Variants in SYNE2 observed in about 807,000 individuals in gnomAD.
SYNE2 encodes spectrin repeat containing nuclear envelope protein 2.
A neutral mutation model predicts 856.3 loss-of-function variants in SYNE2; 431 were observed. That is an observed-to-expected ratio of 0.50 (90% CI 0.47 to 0.55). The LOEUF is 0.55. Ranked by LOEUF, SYNE2 falls within the 20% of genes least tolerant of loss-of-function variation. The probability of loss-of-function intolerance (pLI) is 0.00; values close to 1 mark genes in which losing one functional copy is unlikely to be tolerated. For missense variants in SYNE2, 8,129 were observed against 8,023.2 expected (o/e 1.01, Z -0.50); for synonymous variants, 2,923 against 2,872.3 (o/e 1.02, Z -0.56).
At chr14:63,853,995 G>T (rs1446315778) in intron 1 of SYNE2, among the ~76,000 whole-genome samples, 1 of 152,134 alleles carries the variant, frequency 6.6e-6, no homozygotes, top group Non-Finnish European at 1.5e-5. Context: ...GAGAAGTCCT[G>T]TGTAGCATTC....
chr14:63,939,789 C>G (rs1376192326), intron 2 of SYNE2, among the ~76,000 whole-genome samples: 3 of 152,204 alleles, frequency 2.0e-5, no homozygotes, highest in African/African-American at 7.2e-5. Context: ...GGACACTGCT[C>G]AAGGTCACAC....
chr14:63,975,524 G>A (rs1335111727), intron 11 of SYNE2, among the ~76,000 whole-genome samples: 1 of 151,818 alleles, frequency 6.6e-6, no homozygotes. Flanking sequence ...GTAGAGATGG[G>A]GTTTTTCCCA....
chr14:63,950,553 T>TCACA (rs537515162), intron 7 of SYNE2, among the ~76,000 whole-genome samples: 11 of 151,694 alleles, frequency 7.3e-5, no homozygotes, highest in Non-Finnish European at 1.3e-4. Context: ...GAAACTCTTG[T>TCACA]CACACACACA....
rs368817300 is a variant in SYNE2 at position 64,150,982 on chromosome 14, G to C, written c.15640-1582G>C. The stretch of plus-strand genomic sequence containing the variant: ...TAAATTCACCCACATGTTAGTATGG[G>C]TGGATTGTTACGACAGTGAGAGGTT... On this transcript the variant is annotated intron_variant, in intron 84 of 115. Coordinates refer to ENST00000555002, the MANE Select transcript of SYNE2 (RefSeq NM_182914.3). Among the ~76,000 whole-genome samples, 26 of 152,238 alleles carry C rather than the reference G, an allele frequency of 1.7e-4. 1 individual carries two copies. The highest frequency in any genetic ancestry group is 3.4e-3 in the Middle Eastern group (1 of 294).
rs963770656 is a variant in SYNE2 at position 64,120,980 on chromosome 14, A to C, written c.13077A>C (p.Gln4359His). 6.2e-7 allele frequency: 1 copy of C among 1,614,076 alleles called. No individual in the cohort carries two copies. The highest frequency in any genetic ancestry group is 1.3e-5 in the African/African-American group (1 of 74,928). Residue 4359 changes from glutamine (Q) to histidine (H), a missense_variant, in exon 68 of 116, where the codon CAA becomes CAC. By Grantham distance (24) the Gln-to-His change is conservative. Coordinates refer to ENST00000555002, the MANE Select transcript of SYNE2 (RefSeq NM_182914.3). ...SSEPEHQEAL[Q>H]PVNLSELESI... is the part of the protein sequence containing the mutation. ...AGCCAGAGCATCAAGAAGCTCTCCA[A>C]CCAGTTAACCTTTCTGAATTGGAAT... is the stretch of plus-strand genomic sequence containing the variant.
At position 64,175,144 on chromosome 14, in the gene SYNE2, C is replaced by A; in HGVS notation, c.17430+6C>A. ...AGTTCCAGAGCACTGTAGAGGTAAA[C>A]TCACCACTTACTTTTCCATTCATGA... is the stretch of plus-strand genomic sequence containing the variant. On this transcript the variant is annotated splice_donor_region_variant and intron_variant, in intron 95 of 115. Transcript: ENST00000555002. 6.2e-7 allele frequency: 1 copy of A among 1,613,800 alleles called. No individual in the cohort carries two copies. The highest frequency in any genetic ancestry group is 8.5e-7 in the Non-Finnish European group (1 of 1,179,778).
At chr14:64,209,349 G>A (rs942832757) in intron 101 of SYNE2, 79 bp from the exon 102 acceptor site, 15 of 1,610,104 alleles carry the variant, frequency 9.3e-6, no homozygotes, top group South Asian at 4.4e-5. Context: ...TAAACCGTGC[G>A]GGTGTCAGGG....
intron 57 of SYNE2, chr14:64,084,879 G>C (rs1052087542): frequency 4.3e-6 from 3 of 693,558 alleles, no homozygotes; most frequent in Non-Finnish European, 7.9e-6. Context: ...CTGAAGGCTC[G>C]ACTTGTGTGA....
At chr14:63,788,432 C>T (rs1459010682) in intron 1 of SYNE2, among the ~76,000 whole-genome samples, 1 of 152,192 alleles carries the variant, frequency 6.6e-6, no homozygotes, top group Non-Finnish European at 1.5e-5. Flanking sequence ...CAGGCAGCTG[C>T]AGCTGCACCC....
At chr14:64,037,949 C>G (rs559762767) in intron 45 of SYNE2, among the ~76,000 whole-genome samples, 5,279 of 151,776 alleles carry the variant, frequency 0.035, 300 homozygotes, top group African/African-American at 0.12. Flanking sequence ...GCTGACCCCC[C>G]CACCTCCCTC....
chr14:63,931,852 G>C (rs1220711646), intron 2 of SYNE2, among the ~76,000 whole-genome samples: 1 of 152,068 alleles, frequency 6.6e-6, no homozygotes, highest in East Asian at 1.9e-4. Flanking sequence ...ACTCCTCCTG[G>C]ACTCCACTGA....
chr14:64,120,787 A>G (rs2097892576), intron 67 of SYNE2, 140 bp from the exon 68 acceptor site: 3 of 824,914 alleles, frequency 3.6e-6, no homozygotes, highest in Non-Finnish European at 5.5e-6. Context: ...AAAAAATTAT[A>G]GTATATAATT....
At chr14:63,825,920 C>T (rs1889411817) in intron 1 of SYNE2, among the ~76,000 whole-genome samples, 1 of 152,006 alleles carries the variant, frequency 6.6e-6, no homozygotes, top group Non-Finnish European at 1.5e-5. Flanking sequence ...GAAAAGATAG[C>T]CCATACTCAT....
At chr14:64,010,398 T>C (rs1290668924) in intron 32 of SYNE2, among the ~76,000 whole-genome samples, 1 of 152,184 alleles carries the variant, frequency 6.6e-6, no homozygotes, top group Non-Finnish European at 1.5e-5. Flanking sequence ...TAACAGCCTT[T>C]GCACTGACTT....
chr14:64,119,964 A>G (rs1019970796), intron 67 of SYNE2, among the ~76,000 whole-genome samples: 3 of 152,258 alleles, frequency 2.0e-5, no homozygotes, highest in African/African-American at 7.2e-5. Context: ...CAAAGCTTTC[A>G]TAGATGTGAC....
chr14:64,048,144 G>A lies in SYNE2; in HGVS notation c.7366G>A (p.Glu2456Lys). The change falls in exon 46 of 116, where the codon GAA (glutamate) becomes AAA (lysine). Residue 2456 changes from glutamate (E) to lysine (K), a missense_variant. Physicochemically the swap from Glu to Lys is moderately conservative, Grantham distance 56. Around this residue, in one of 3 missense-constraint regions of SYNE2, gnomAD observed 5,410 missense variants for 5,284.8 expected, o/e 1.02. Transcript: ENST00000555002. ...TACTATGTTAAGAAATGAACAATTA[G>A]AAGAGATAGAGGTATGGAAACATAA... Reference protein sequence around the residue: ...LDTMLRNEQLEEIEKLYTQLE... With the variant: ...LDTMLRNEQLKEIEKLYTQLE... 6.2e-7 allele frequency: 1 copy of A among 1,613,020 alleles called. No individual in the cohort carries two copies. Among genetic ancestry groups the A allele is most frequent in the Non-Finnish European group, 8.5e-7 (1 of 1,179,410 alleles).
At chr14:63,878,411 A>G (rs1262898479) in intron 1 of SYNE2, among the ~76,000 whole-genome samples, 2 of 152,246 alleles carry the variant, frequency 1.3e-5, no homozygotes, top group Non-Finnish European at 2.9e-5. Context: ...TTGATTGTCT[A>G]GAGAAGTCGG....
In SYNE2 at chr14:64,087,518, G is replaced by A. The variant is rs372344698; in HGVS notation, c.11485-153G>A. On this transcript the variant is annotated intron_variant, in intron 57 of 115. Coordinates refer to ENST00000555002, the MANE Select transcript of SYNE2 (RefSeq NM_182914.3). ...TACTCTGAAGTCTTTCACTGTCATT[G>A]ACAATAGAGGGTGTTCTGTTTTCAT... 7 of 831,630 alleles carry A rather than the reference G, an allele frequency of 8.4e-6. No homozygotes were observed. In the East Asian group the frequency reaches 1.7e-4, roughly 20 times the overall value. The allele number at this position is 831,630 out of a possible 1,614,324, so 51.5% of individuals were successfully genotyped here.
At chr14:64,163,175 C>T (rs2098341842) in intron 88 of SYNE2, among the ~76,000 whole-genome samples, 1 of 152,202 alleles carries the variant, frequency 6.6e-6, no homozygotes, top group Non-Finnish European at 1.5e-5. Flanking sequence ...CTCTATTAGT[C>T]AGTGGTCACT....
Sources: gnomAD v4.1 joint callset for allele counts (sites outside exome capture counted in the v4.1 genomes callset) on GRCh38, gnomAD v4.1.1 for gene constraint, gnomAD v4.1.1 regional missense constraint, MANE v1.5 for transcripts, NCBI Gene and HGNC (gene_info 2026-07-23, HGNC 2026-07-21) for gene names.